CTNNA2: variants seen among roughly 807,000 people sequenced by gnomAD.
The protein encoded by CTNNA2 is catenin alpha 2, also known as catenin alpha-2.
Under a neutral mutation model 101.0 loss-of-function variants are expected in CTNNA2, and 42 were observed. The observed-to-expected ratio is 0.42, with a 90% confidence interval of 0.32 to 0.54. CTNNA2 has a LOEUF of 0.54. Among genes scored for constraint, CTNNA2 ranks in the 20% least tolerant of loss-of-function variants. CTNNA2 has a pLI of 0.14. For synonymous variants in CTNNA2, 450 were observed against 456.4 expected (o/e 0.99, Z 0.18); for missense variants, 871 against 1,223.1 (o/e 0.71, Z 4.29).
intron 7 of CTNNA2, among the ~76,000 whole-genome samples, chr2:79,978,260 A>G (rs1319635312): frequency 2.0e-5 from 3 of 152,136 alleles, no homozygotes; most frequent in Non-Finnish European, 4.4e-5. Flanking sequence ...GGTCAAAGTT[A>G]GGGAGAAGGA....
chr2:80,045,635 A>T (rs1696466242), intron 7 of CTNNA2, among the ~76,000 whole-genome samples: 1 of 152,140 alleles, frequency 6.6e-6, no homozygotes, highest in South Asian at 2.1e-4. Context: ...TGAGTCTCCT[A>T]TTATTTTCTT....
chr2:79,878,187 G>A (rs1558605162), intron 6 of CTNNA2, among the ~76,000 whole-genome samples: 2 of 152,296 alleles, frequency 1.3e-5, no homozygotes, highest in South Asian at 2.1e-4. Flanking sequence ...TGGTGTATAT[G>A]TAGCACATTT....
intron 7 of CTNNA2, among the ~76,000 whole-genome samples, chr2:80,327,609 C>T (rs769903715): frequency 2.0e-5 from 3 of 151,942 alleles, no homozygotes; most frequent in African/African-American, 4.8e-5. Context: ...TGTGAGCTGA[C>T]GCTGCAAATA....
At chr2:80,437,972 G>T (rs1426583836) in intron 9 of CTNNA2, among the ~76,000 whole-genome samples, 2 of 152,198 alleles carry the variant, frequency 1.3e-5, no homozygotes, top group African/African-American at 4.8e-5. Flanking sequence ...TGCAGCCATT[G>T]CACTCCAGAC....
chr2:79,661,867 A>G (rs1414522344), intron 2 of CTNNA2, among the ~76,000 whole-genome samples: 3 of 152,084 alleles, frequency 2.0e-5, no homozygotes, highest in Non-Finnish European at 4.4e-5. Flanking sequence ...TAAAAAAAAG[A>G]TAGATCACAT....
At chr2:80,165,381 A>T (rs1704613602) in intron 7 of CTNNA2, among the ~76,000 whole-genome samples, 2 of 151,144 alleles carry the variant, frequency 1.3e-5, no homozygotes, top group East Asian at 3.9e-4. Flanking sequence ...TGAAATTTTA[A>T]TTTTTGTTAT....
rs559171899 is a variant in CTNNA2, at chr2:80,202,138, C to T, written c.1057-191073C>T. Reference sequence around the variant, plus strand: ...ATATGCATATGACTATAAGTCTTCTCTCCTCCTCCCTCTTTCCCTGCTTGA... The same window carrying T: ...ATATGCATATGACTATAAGTCTTCTTTCCTCCTCCCTCTTTCCCTGCTTGA... On this transcript the variant is annotated intron_variant, in intron 7 of 18. Transcript: ENST00000402739. Among the ~76,000 whole-genome samples the T allele has an allele frequency of 5.3e-5, 8 of 152,244 alleles. No individual in the cohort carries two copies. In the South Asian group the frequency reaches 1.7e-3, roughly 32 times the overall value.
chr2:79,876,833 G>T (rs899675343), intron 6 of CTNNA2, among the ~76,000 whole-genome samples: 5 of 151,988 alleles, frequency 3.3e-5, no homozygotes, highest in Non-Finnish European at 7.4e-5. Flanking sequence ...TTTTTTTTTT[G>T]TTGTTGTTGT....
chr2:79,701,972 A>G (rs1318643257), intron 2 of CTNNA2, among the ~76,000 whole-genome samples: 1 of 143,862 alleles, frequency 7.0e-6, no homozygotes, highest in Admixed American at 7.3e-5. Flanking sequence ...ATTGTACTCC[A>G]GCCTGGGAGA....
intron 7 of CTNNA2, among the ~76,000 whole-genome samples, chr2:80,276,017 G>A (rs1176947129): frequency 6.6e-6 from 1 of 151,830 alleles, no homozygotes; most frequent in African/African-American, 2.4e-5. Context: ...TATAATGGAG[G>A]GAAATAATTT....
At chr2:80,486,888 C>T (rs79357177) in intron 9 of CTNNA2, among the ~76,000 whole-genome samples, 123 of 152,128 alleles carry the variant, frequency 8.1e-4, no homozygotes, top group Non-Finnish European at 1.5e-3. Context: ...TTTCAGATCC[C>T]GGATCCCACA....
At chr2:80,294,514 A>G (rs941318982) in intron 7 of CTNNA2, among the ~76,000 whole-genome samples, 9 of 151,996 alleles carry the variant, frequency 5.9e-5, no homozygotes, top group Non-Finnish European at 1.2e-4. Flanking sequence ...ATGTCTTTTT[A>G]AAGAGCTGCA....
chr2:80,302,610 C>G lies in CTNNA2; in HGVS notation c.1057-90601C>G, dbSNP rs748240426. 2.5e-6 allele frequency: 4 copies of G among 1,605,760 alleles called. No homozygotes were observed. Among genetic ancestry groups the G allele is most frequent in the East Asian group, 2.2e-5 (1 of 44,796 alleles). On this transcript the variant is annotated intron_variant, in intron 7 of 18. Transcript: ENST00000402739. The surrounding 1 kb of genome is among the most constrained non-coding windows in gnomAD (Gnocchi z 6.4). ...GCCACGGTGGCAGGCTCGAATGTGC[C>G]GTCGTGCTGCCCCTCCCCGCCGTCC...
intron 12 of CTNNA2, among the ~76,000 whole-genome samples, chr2:80,564,422 C>G (rs1364672169): frequency 6.6e-6 from 1 of 151,730 alleles, no homozygotes; most frequent in Non-Finnish European, 1.5e-5. Context: ...ATTTTCTTTC[C>G]TCAGGAAAAG....
chr2:79,982,238 A>ATATATGTATG (rs1553420970), intron 7 of CTNNA2, among the ~76,000 whole-genome samples: 1 of 89,632 alleles, frequency 1.1e-5, no homozygotes, highest in African/African-American at 5.1e-5. Context: ...ATATATATAT[A>ATATATGTATG]TATGTATGTA....
chr2:79,493,547 C>T (rs11902298), intron 4 of CTNNA2, among the ~76,000 whole-genome samples: 34,394 of 152,012 alleles, frequency 0.23, 4,279 homozygotes, highest in Middle Eastern at 0.31. Context: ...ACCCGGGAGG[C>T]GGAGGTTGCA....
intron 2 of CTNNA2, among the ~76,000 whole-genome samples, chr2:79,294,980 CTT>C (rs1159033262): frequency 7.0e-6 from 1 of 142,778 alleles, no homozygotes; most frequent in Non-Finnish European, 1.5e-5. Context: ...CACAATTGCA[CTT>C]GTGTGTGAGT....
At chr2:79,937,535 T>A (rs1390758563) in intron 7 of CTNNA2, among the ~76,000 whole-genome samples, 1 of 152,216 alleles carries the variant, frequency 6.6e-6, no homozygotes, top group Non-Finnish European at 1.5e-5. Context: ...TTTCAAATCA[T>A]CTGTATTTAC....
At chr2:80,005,305 A>C (rs1693259495) in intron 7 of CTNNA2, among the ~76,000 whole-genome samples, 1 of 152,168 alleles carries the variant, frequency 6.6e-6, no homozygotes. Context: ...TCACATATTT[A>C]AAATTCACAT....
Sources: allele counts gnomAD v4.1 joint callset (sites outside exome capture counted in the v4.1 genomes callset), GRCh38; gene constraint gnomAD v4.1.1; non-coding constraint Gnocchi (gnomAD v3.1); transcripts MANE v1.5; gene names NCBI Gene and HGNC (gene_info 2026-07-23, HGNC 2026-07-21).